Variants in ZFP14 observed in about 807,000 individuals in gnomAD.
The protein encoded by ZFP14 is ZFP14 zinc finger protein, also known as zinc finger protein 14 homolog.
A neutral mutation model predicts 54.5 loss-of-function variants in ZFP14; 22 were observed. The ratio of observed to expected loss-of-function variants is 0.40; its 90% CI spans 0.29 to 0.58. ZFP14 has a LOEUF of 0.58. Ranked by LOEUF, ZFP14 falls within the 20% of genes least tolerant of loss-of-function variation. The pLI is 0.39. For missense variants in ZFP14, 470 were observed against 637.8 expected, an observed-to-expected ratio of 0.74 and a Z score of 2.83; for synonymous variants, 159 against 204.0, an observed-to-expected ratio of 0.78 and a Z score of 1.88.
intron 1 of ZFP14, 76 bp from the exon 2 acceptor site, chr19:36,368,047 A>C: frequency 2.4e-6 from 2 of 823,832 alleles, no homozygotes; most frequent in Non-Finnish European, 3.6e-6. Context: ...TAAATATGAA[A>C]ACTTTTTTCT....
Position 36,340,889 on chromosome 19 carries a change from C to G in ZFP14, c.937G>C (p.Glu313Gln). ...AAGGCTTTCCCACATTCCTTACATT[C>G]ATAGAGCTTTTCAGCAGTATGAAGT... is the stretch of plus-strand genomic sequence containing the variant. ...QRLHTAEKLY[E>Q]CKECGKAFVC... Residue 313 changes from glutamate to glutamine, a missense_variant, in exon 5 of 5, where the codon GAA becomes CAA. By Grantham distance (29) the Glu-to-Gln change is conservative. Transcript: ENST00000270001. The surrounding 1 kb of genome is among the most constrained non-coding windows in gnomAD (Gnocchi z 5.4). The G allele has an allele frequency of 1.2e-6, 2 of 1,613,872 alleles. No individual in the cohort carries two copies. The highest frequency in any genetic ancestry group is 1.7e-6 in the Non-Finnish European group (2 of 1,179,984).
chr19:36,365,795 C>T (rs1179106636), intron 2 of ZFP14, among the ~76,000 whole-genome samples: 1 of 151,886 alleles, frequency 6.6e-6, no homozygotes, highest in Non-Finnish European at 1.5e-5. Context: ...CCCATCTCTA[C>T]AAAAAATTTT....
intron 4 of ZFP14, among the ~76,000 whole-genome samples, chr19:36,355,234 G>A (rs988282446): frequency 1.4e-5 from 2 of 143,422 alleles, no homozygotes; most frequent in Non-Finnish European, 3.1e-5. Flanking sequence ...AAGAAACTGG[G>A]TCCTAAATAT....
intron 1 of ZFP14, among the ~76,000 whole-genome samples, chr19:36,371,153 C>T (rs951023003): frequency 6.6e-6 from 1 of 152,064 alleles, no homozygotes; most frequent in South Asian, 2.1e-4. Flanking sequence ...AGTCCAGCTA[C>T]TCGGGAGGCT....
At chr19:36,363,220 G>C (rs1343978431) in intron 2 of ZFP14, among the ~76,000 whole-genome samples, 1 of 116,818 alleles carries the variant, frequency 8.6e-6, no homozygotes, top group Non-Finnish European at 1.8e-5. Context: ...TTGAGACGGA[G>C]TCTCGCTCTG....
chr19:36,354,575 C>A (rs1017354930), intron 4 of ZFP14, among the ~76,000 whole-genome samples: 1 of 141,992 alleles, frequency 7.0e-6, no homozygotes, highest in Non-Finnish European at 1.6e-5. Context: ...CTGTTCTCTG[C>A]CAGGAATGCC....
chr19:36,353,363 C>T (rs2031560487), intron 4 of ZFP14, among the ~76,000 whole-genome samples: 1 of 142,732 alleles, frequency 7.0e-6, no homozygotes, highest in African/African-American at 2.6e-5. Flanking sequence ...ATCCATCATG[C>T]CCTTATTCAA....
chr19:36,341,171 G>A lies in ZFP14; in HGVS notation c.655C>T (p.His219Tyr). 1 of 1,614,158 alleles carries A rather than the reference G, an allele frequency of 6.2e-7. No individual in the cohort carries two copies. Among genetic ancestry groups the A allele is most frequent in the Non-Finnish European group, 8.5e-7 (1 of 1,180,024 alleles). ...GGTTTCTCACCGGTGTGAAGTTTGTGATGTCGAATAAGATGTGCACGCTGT... is the reference window on the plus strand; with the variant it reads ...GGTTTCTCACCGGTGTGAAGTTTGTAATGTCGAATAAGATGTGCACGCTGT... The part of the protein sequence containing the change: ...FRQRAHLIRH[H>Y]KLHTGEKPYE... Residue 219 changes from histidine (H) to tyrosine (Y), a missense_variant, in exon 5 of 5, where the codon CAC (histidine) becomes TAC (tyrosine). Physicochemically the swap from His to Tyr is moderately conservative, Grantham distance 83. Transcript: ENST00000270001. This position sits in a 1 kb window ranked among gnomAD's most constrained non-coding sequence, Gnocchi z 4.2.
chr19:36,338,917 AGT>A lies in ZFP14; in HGVS notation c.*1305_*1306del, dbSNP rs1185776986. ...ATTTCTTTTAAGCCACATTTTTGAT[AGT>A]TTCTAATTAATTTTAAACTGTGGTC... On this transcript the variant is annotated 3_prime_UTR_variant, in exon 5 of 5. Coordinates refer to ENST00000270001, the MANE Select transcript of ZFP14 (RefSeq NM_020917.3). 2 of 152,200 alleles carry A rather than the reference AGT, an allele frequency of 1.3e-5. No individual in the cohort carries two copies. Among genetic ancestry groups the A allele is most frequent in the Non-Finnish European group, 2.9e-5 (2 of 68,028 alleles). 9.4% of individuals were successfully genotyped at this position (152,200 alleles called of 1,614,324 possible).
chr19:36,360,900 T>A (rs564285891), intron 3 of ZFP14, among the ~76,000 whole-genome samples: 1 of 152,338 alleles, frequency 6.6e-6, no homozygotes, highest in African/African-American at 2.4e-5. Flanking sequence ...CCTAGCAAAT[T>A]ATTAACCTTT....
chr19:36,367,420 G>C (rs1354605180), intron 2 of ZFP14, among the ~76,000 whole-genome samples: 1 of 152,080 alleles, frequency 6.6e-6, no homozygotes, highest in Non-Finnish European at 1.5e-5. Flanking sequence ...TGGGAGAAGA[G>C]ATAGCCACAT....
intron 2 of ZFP14, among the ~76,000 whole-genome samples, chr19:36,363,667 C>A (rs2031747485): frequency 6.6e-6 from 1 of 152,124 alleles, no homozygotes; most frequent in South Asian, 2.1e-4. Flanking sequence ...CGGGACGGCC[C>A]CCTACAATAA....
intron 4 of ZFP14, among the ~76,000 whole-genome samples, chr19:36,350,436 TA>T (rs1027221008): frequency 7.2e-6 from 1 of 139,248 alleles, no homozygotes; most frequent in Non-Finnish European, 1.6e-5. Context: ...CCCCCATCTC[TA>T]AAAAAATACA....
chr19:36,345,334 G>A (rs1222005691), intron 4 of ZFP14, among the ~76,000 whole-genome samples: 4 of 152,178 alleles, frequency 2.6e-5, no homozygotes, highest in South Asian at 2.1e-4. Flanking sequence ...TGTAGCCAAC[G>A]CAACTAAAGT....
intron 1 of ZFP14, among the ~76,000 whole-genome samples, chr19:36,377,805 C>G (rs1275825178): frequency 6.6e-6 from 1 of 152,012 alleles, no homozygotes; most frequent in Non-Finnish European, 1.5e-5. Context: ...CACATCGTGC[C>G]ACTGCACTCC....
intron 4 of ZFP14, among the ~76,000 whole-genome samples, chr19:36,349,680 A>T (rs11084856): frequency 0.43 from 59,059 of 136,634 alleles, 12,794 homozygotes; most frequent in South Asian, 0.51. Flanking sequence ...ACAAAAAAAA[A>T]ATATATATAT....
In ZFP14 at chr19:36,362,231, AC is replaced by A; in HGVS notation, c.16del (p.Val6Ter). 6 of 1,588,780 alleles carry A rather than the reference AC, an allele frequency of 3.8e-6. No individual in the cohort carries two copies. Among genetic ancestry groups the A allele is most frequent in the Non-Finnish European group, 5.1e-6 (6 of 1,173,316 alleles). MAHGS[V>X]TFRDVAIDFS... The stretch of plus-strand genomic sequence containing the variant: ...GTCTATGGCCACATCCCTGAATGTC[AC>A]TGAACCCTGAAAAAACAAACTCAGG... On this transcript the variant is annotated frameshift_variant, in exon 3 of 5. Transcript: ENST00000270001. LOFTEE classifies it high-confidence loss of function.
intron 4 of ZFP14, among the ~76,000 whole-genome samples, chr19:36,346,452 T>C (rs1458563440): frequency 3.3e-5 from 5 of 151,532 alleles, no homozygotes; most frequent in African/African-American, 9.7e-5. Flanking sequence ...CAACTCCCCA[T>C]AGAGCTCTCA....
intron 3 of ZFP14, among the ~76,000 whole-genome samples, chr19:36,361,514 AC>A (rs2031710243): frequency 6.6e-6 from 1 of 151,770 alleles, no homozygotes; most frequent in Non-Finnish European, 1.5e-5. Flanking sequence ...TGCTAGGATT[AC>A]AGGCATGAGC....
Sources: allele counts gnomAD v4.1 joint callset (sites outside exome capture counted in the v4.1 genomes callset), GRCh38; gene constraint gnomAD v4.1.1; non-coding constraint Gnocchi (gnomAD v3.1); transcripts MANE v1.5; gene names NCBI Gene and HGNC (gene_info 2026-07-23, HGNC 2026-07-21).